ACTR3C: variants seen among roughly 807,000 people sequenced by gnomAD.
ACTR3C encodes the protein actin related protein 3C, also known as actin-related protein 3C.
A neutral mutation model predicts 26.3 loss-of-function variants in ACTR3C; 18 were observed. That is an observed-to-expected ratio of 0.68 (90% CI 0.47 to 1.01). ACTR3C has a LOEUF of 1.01. ACTR3C is among the 50% of genes least tolerant of loss of function. ACTR3C has a pLI of 0.00. For synonymous variants in ACTR3C, 55 were observed against 94.5 expected (o/e 0.58, Z 2.42); for missense variants, 184 against 250.7 (o/e 0.73, Z 1.80).
chr7:149,967,572 A>G, the ACTR3C span, among the ~76,000 whole-genome samples: 1 of 152,206 alleles, frequency 6.6e-6, no homozygotes, highest in East Asian at 1.9e-4. Flanking sequence ...TCCTCTAAAA[A>G]TGAACTCTGG....
the ACTR3C span, among the ~76,000 whole-genome samples, chr7:150,029,644 C>G: frequency 0.011 from 1,693 of 152,132 alleles, 50 homozygotes; most frequent in African/African-American, 0.039. Flanking sequence ...TTGGAAAATA[C>G]CGAAATGGAA....
At chr7:149,982,875 TC>T in the ACTR3C span, among the ~76,000 whole-genome samples, 19,014 of 152,258 alleles carry the variant, frequency 0.12, 2,173 homozygotes, top group African/African-American at 0.29. Context: ...GCCTTTAGTT[TC>T]TTTCTCTTGC....
chr7:150,236,511 C>A, the ACTR3C span, among the ~76,000 whole-genome samples: 32,472 of 151,930 alleles, frequency 0.21, 5,400 homozygotes, highest in African/African-American at 0.46. Context: ...TATGATTGAT[C>A]GTAGTATATT....
At chr7:150,241,987 G>A (rs992171523), downstream of ACTR3C, among the ~76,000 whole-genome samples, 1 of 152,174 alleles carries the variant, frequency 6.6e-6, no homozygotes, top group Admixed American at 6.5e-5. Context: ...GGAGGCCGAA[G>A]CGGGCGGATC....
At chr7:150,117,531 A>G in the ACTR3C span, among the ~76,000 whole-genome samples, 1 of 152,232 alleles carries the variant, frequency 6.6e-6, no homozygotes, top group African/African-American at 2.4e-5. Flanking sequence ...TTGCCTCTCT[A>G]GATTCCTTCT....
the ACTR3C span, among the ~76,000 whole-genome samples, chr7:150,008,715 A>C: frequency 6.6e-6 from 1 of 150,414 alleles, no homozygotes; most frequent in African/African-American, 2.5e-5. Flanking sequence ...AACCTGTAAG[A>C]CCTTTGCACA....
At chr7:150,293,893 A>G (rs1836505387) in intron 2 of ACTR3C, among the ~76,000 whole-genome samples, 1 of 152,202 alleles carries the variant, frequency 6.6e-6, no homozygotes, top group African/African-American at 2.4e-5. Context: ...CCATAATCGC[A>G]CCACTGCACT....
chr7:149,945,220 C>G, the ACTR3C span, among the ~76,000 whole-genome samples: 1 of 151,546 alleles, frequency 6.6e-6, no homozygotes. Flanking sequence ...CAGCTGCAGT[C>G]GAATGCCATC....
At chr7:149,891,757 C>T in the ACTR3C span, among the ~76,000 whole-genome samples, 1 of 109,116 alleles carries the variant, frequency 9.2e-6, no homozygotes, top group African/African-American at 2.8e-5. Context: ...CTCAGGAGGT[C>T]GAGGCTGCAG....
At chr7:150,140,488 G>A in the ACTR3C span, among the ~76,000 whole-genome samples, 8 of 151,852 alleles carry the variant, frequency 5.3e-5, no homozygotes, top group East Asian at 1.9e-4. Context: ...AGTAAGAGTC[G>A]ATCAGTGCGG....
chr7:149,921,327 C>T, the ACTR3C span, among the ~76,000 whole-genome samples: 1 of 152,196 alleles, frequency 6.6e-6, no homozygotes, highest in Non-Finnish European at 1.5e-5. Context: ...TTTGTTCTTT[C>T]CTACCGTGGT....
At chr7:150,057,276 CT>C in the ACTR3C span, among the ~76,000 whole-genome samples, 4,292 of 113,798 alleles carry the variant, frequency 0.038, 65 homozygotes, top group African/African-American at 0.11. Flanking sequence ...GGAATAGGTC[CT>C]TTTTTTTTTT....
the ACTR3C span, among the ~76,000 whole-genome samples, chr7:150,054,368 T>C: frequency 6.6e-6 from 1 of 152,242 alleles, no homozygotes; most frequent in Non-Finnish European, 1.5e-5. Context: ...AGACTGGTCA[T>C]GTGACTTACT....
At chr7:149,969,503 G>C in the ACTR3C span, among the ~76,000 whole-genome samples, 3 of 152,112 alleles carry the variant, frequency 2.0e-5, no homozygotes, top group African/African-American at 7.2e-5. Context: ...GTCTTCTCCA[G>C]CGCAAGTAAA....
chr7:150,082,843 T>C, the ACTR3C span, among the ~76,000 whole-genome samples: 2 of 151,834 alleles, frequency 1.3e-5, no homozygotes, highest in Non-Finnish European at 2.9e-5. Context: ...GGAGTATCTA[T>C]GGATTAGCAA....
At chr7:150,228,922 T>C in the ACTR3C span, among the ~76,000 whole-genome samples, 1 of 150,996 alleles carries the variant, frequency 6.6e-6, no homozygotes, top group Non-Finnish European at 1.5e-5. Context: ...TCCTGTAACT[T>C]TGCTATACTA....
At chr7:149,984,189 A>G in the ACTR3C span, among the ~76,000 whole-genome samples, 1 of 149,670 alleles carries the variant, frequency 6.7e-6, no homozygotes, top group African/African-American at 2.5e-5. Context: ...TTTAGTACCT[A>G]CTGAGGGATT....
At chr7:150,136,760 G>T in the ACTR3C span, among the ~76,000 whole-genome samples, 1 of 152,170 alleles carries the variant, frequency 6.6e-6, no homozygotes, top group Non-Finnish European at 1.5e-5. Context: ...ACCTGATGCT[G>T]TGTCCTCATC....
chr7:150,311,962 A>G (rs1174224721), intron 1 of ACTR3C, among the ~76,000 whole-genome samples: 3 of 152,324 alleles, frequency 2.0e-5, no homozygotes, highest in Middle Eastern at 3.4e-3. Context: ...CTCACCACAC[A>G]GGGCTCTTCC....
Sources: gnomAD v4.1 joint callset for allele counts (sites outside exome capture counted in the v4.1 genomes callset) on GRCh38, gnomAD v4.1.1 for gene constraint, MANE v1.5 for transcripts, NCBI Gene and HGNC (gene_info 2026-07-23, HGNC 2026-07-21) for gene names.